The following CCT6B variants were observed in gnomAD, a reference collection of about 807,000 sequenced individuals.
CCT6B encodes the protein chaperonin containing TCP1 subunit 6B.
In CCT6B, 49 loss-of-function variants were observed where a neutral mutation model predicts 61.5. That is an observed-to-expected ratio of 0.80 (90% CI 0.63 to 1.01). The LOEUF (loss-of-function observed/expected upper bound fraction) is 1.01. Among genes scored for constraint, CCT6B ranks in the 50% least tolerant of loss-of-function variants. CCT6B has a pLI of 0.00. For synonymous variants in CCT6B, 228 were observed against 214.5 expected (o/e 1.06, Z -0.55); for missense variants, 666 against 634.7 (o/e 1.05, Z -0.53).
chr17:34,940,499 C>G, intron 8 of CCT6B, 40 bp downstream of exon 8: 4 of 1,040,312 alleles, frequency 3.8e-6, no homozygotes, highest in Non-Finnish European at 5.8e-6. Context: ...TCCATTTACT[C>G]TGTTAAAAAC....
chr17:34,940,884 AAT>A (rs1240709374), intron 7 of CCT6B, among the ~76,000 whole-genome samples: 1 of 152,106 alleles, frequency 6.6e-6, no homozygotes, highest in Non-Finnish European at 1.5e-5. Flanking sequence ...TGAAAACAAA[AAT>A]ATATATAGTG....
rs553256064 is a variant in CCT6B, at chr17:34,954,689, T to C, written c.337-90A>G. ...GTCTGATTATTATGTTCAAAAAAAG[T>C]TACTCACATTAATGCCATGAAATAT... On this transcript the variant is annotated intron_variant, in intron 3 of 13. Transcript: ENST00000314144. 8 of 992,422 alleles carry C rather than the reference T, an allele frequency of 8.1e-6. No homozygotes were observed. In the South Asian group the frequency reaches 9.6e-5, roughly 12 times the overall value. 61.5% of individuals were successfully genotyped at this position (992,422 alleles called of 1,614,324 possible).
chr17:34,929,486 T>C (rs916824995), intron 12 of CCT6B, among the ~76,000 whole-genome samples: 3 of 132,420 alleles, frequency 2.3e-5, no homozygotes, highest in African/African-American at 8.5e-5. Flanking sequence ...TTTTTTGTTT[T>C]CTTTCTTTTT....
At chr17:34,952,192 T>A in intron 4 of CCT6B, 139 bp from the exon 5 acceptor site, 3 of 537,990 alleles carry the variant, frequency 5.6e-6, no homozygotes, top group Non-Finnish European at 9.9e-6. Context: ...ATGTGCCACT[T>A]TACTATGGAT....
intron 3 of CCT6B, among the ~76,000 whole-genome samples, chr17:34,956,807 T>C (rs755407891): frequency 1.3e-5 from 2 of 151,506 alleles, no homozygotes; most frequent in Non-Finnish European, 2.9e-5. Context: ...TCTCCTCTCT[T>C]CTCTCTCTCT....
At chr17:34,928,893 A>C in intron 13 of CCT6B, 69 bp downstream of exon 13, 1 of 924,742 alleles carries the variant, frequency 1.1e-6, no homozygotes, top group Non-Finnish European at 1.7e-6. Context: ...AAATAATAGA[A>C]AAAATTTCAT....
At chr17:34,928,224 TATG>T in intron 13 of CCT6B, 107 bp from the exon 14 acceptor site, 1 of 590,132 alleles carries the variant, frequency 1.7e-6, no homozygotes, top group Non-Finnish European at 3.0e-6. Flanking sequence ...ATGATGTTAG[TATG>T]ATGTTTTATG....
rs1287132936 is a variant in CCT6B at position 34,928,984 on chromosome 17, T to C, written c.1501A>G (p.Lys501Glu). ...DAGVWDNYCVKKQLLHSCTVI... is the reference protein window; with the variant it reads ...DAGVWDNYCVEKQLLHSCTVI... ...TACCAAGAGTGAAGAAGTTGTTTTT[T>C]TACACAATAATTATCCCAAACTCCT... Residue 501 changes from lysine to glutamate, a missense_variant, in exon 13 of 14, where the codon AAA becomes GAA. Physicochemically the swap from Lys to Glu is moderately conservative, Grantham distance 56 (BLOSUM62 1). Transcript: ENST00000314144. The C allele has an allele frequency of 6.2e-7, 1 of 1,606,948 alleles. No individual in the cohort carries two copies. The highest frequency in any genetic ancestry group is 1.3e-5 in the African/African-American group (1 of 74,898).
chr17:34,951,743 A>G (rs901639949), intron 5 of CCT6B, among the ~76,000 whole-genome samples: 1 of 151,918 alleles, frequency 6.6e-6, no homozygotes. Context: ...CACACACATG[A>G]TTTTTTTTCT....
intron 5 of CCT6B, among the ~76,000 whole-genome samples, chr17:34,945,931 A>C (rs1048570757): frequency 3.9e-5 from 6 of 152,254 alleles, no homozygotes; most frequent in Admixed American, 1.3e-4. Flanking sequence ...GTCATTTGAC[A>C]ATCCAGGCAA....
chr17:34,934,209 G>T (rs978585387), intron 10 of CCT6B, among the ~76,000 whole-genome samples: 2 of 150,694 alleles, frequency 1.3e-5, no homozygotes, highest in African/African-American at 2.4e-5. Flanking sequence ...AAATAATTAG[G>T]ATGAAAGTGG....
chr17:34,946,624 T>C (rs186992015), intron 5 of CCT6B, among the ~76,000 whole-genome samples: 74 of 152,308 alleles, frequency 4.9e-4, no homozygotes, highest in Non-Finnish European at 9.4e-4. Flanking sequence ...ATAGCAGCAC[T>C]ATTAATAATG....
chr17:34,927,927 C>A lies in CCT6B; in HGVS notation c.*121G>T. On this transcript the variant is annotated 3_prime_UTR_variant, in exon 14 of 14. Transcript: ENST00000314144. Reference sequence around the variant, plus strand: ...AAATATTTTTGAGACTATTAAGACCCAAAAGACATAAACTGCATTTATTGT... The same window carrying A: ...AAATATTTTTGAGACTATTAAGACCAAAAAGACATAAACTGCATTTATTGT... The A allele has an allele frequency of 1.7e-6, 1 of 597,666 alleles. No individual in the cohort carries two copies. The allele number at this position is 597,666 out of a possible 1,614,324, so 37.0% of individuals were successfully genotyped here.
chr17:34,932,586 G>A, intron 10 of CCT6B, 86 bp from the exon 11 acceptor site: 3 of 1,244,452 alleles, frequency 2.4e-6, no homozygotes, highest in Non-Finnish European at 3.3e-6. Flanking sequence ...CACTATTTAA[G>A]TATGTTCTAT....
intron 1 of CCT6B, 115 bp from the exon 2 acceptor site, chr17:34,959,765 G>A: frequency 1.5e-6 from 1 of 657,924 alleles, no homozygotes; most frequent in South Asian, 1.7e-5. Flanking sequence ...CTGTACCATG[G>A]GAATATGCCA....
intron 1 of CCT6B, among the ~76,000 whole-genome samples, chr17:34,960,843 A>G (rs572888817): frequency 1.3e-5 from 2 of 152,220 alleles, no homozygotes; most frequent in African/African-American, 4.8e-5. Context: ...ATTTGACCCC[A>G]TGCCTTCCTG....
At chr17:34,949,094 G>GAAA (rs2090260282) in intron 5 of CCT6B, among the ~76,000 whole-genome samples, 2 of 790 alleles carry the variant, frequency 2.5e-3, no homozygotes, top group South Asian at 0.25. Flanking sequence ...GGGGAGGGGA[G>GAAA]GGAAAAGAAA....
chr17:34,928,148 C>T, intron 13 of CCT6B, 31 bp from the exon 14 acceptor site: 1 of 1,432,168 alleles, frequency 7.0e-7, no homozygotes, highest in Non-Finnish European at 9.7e-7. Flanking sequence ...GTGAGTAAAG[C>T]CTACTAACCC....
rs575980020 is a variant in CCT6B at position 34,936,302 on chromosome 17, C to T, written c.1213+2881G>A. ...AGCAAACTAGGTGCAGAAGGGAGAA[C>T]TTCCTCAACCTGATAAAAACCTATA... On this transcript the variant is annotated intron_variant, in intron 10 of 13. Coordinates refer to ENST00000314144, the MANE Select transcript of CCT6B (RefSeq NM_006584.4). Among the ~76,000 whole-genome samples, 6 of 152,264 alleles carry T rather than the reference C, an allele frequency of 3.9e-5. No individual in the cohort carries two copies. The East Asian group carries it at 9.6e-4, about 24-fold the overall frequency.
Sources: allele counts gnomAD v4.1 joint callset (sites outside exome capture counted in the v4.1 genomes callset), GRCh38; gene constraint gnomAD v4.1.1; transcripts MANE v1.5; gene names NCBI Gene and HGNC (gene_info 2026-07-23, HGNC 2026-07-21).